TEAD1: variants seen among roughly 807,000 people sequenced by gnomAD.
The protein encoded by TEAD1 is TEA domain transcription factor 1.
A neutral mutation model predicts 54.9 loss-of-function variants in TEAD1; 9 were observed. The ratio of observed to expected loss-of-function variants is 0.16; its 90% CI spans 0.10 to 0.29. The LOEUF is 0.29. Ranked by LOEUF, TEAD1 falls within the 10% of genes least tolerant of loss-of-function variation. The pLI is 1.00. For missense variants in TEAD1, 387 were observed against 535.9 expected (o/e 0.72, Z 2.74); for synonymous variants, 200 against 187.8 (o/e 1.07, Z -0.53).
intron 5 of TEAD1, among the ~76,000 whole-genome samples, chr11:12,869,878 TTTC>T (rs1178444976): frequency 1.6e-5 from 2 of 127,804 alleles, no homozygotes; most frequent in African/African-American, 7.9e-5. Context: ...CCATTGTCTT[TTTC>T]TTTTTCTTTT....
chr11:12,888,741 A>G (rs377121466), intron 9 of TEAD1, among the ~76,000 whole-genome samples: 145 of 152,344 alleles, frequency 9.5e-4, no homozygotes, highest in African/African-American at 3.2e-3. Flanking sequence ...AACACTATGC[A>G]TTATCTTATG....
chr11:12,921,326 T>C (rs1340568582), intron 10 of TEAD1: 1 of 151,964 alleles, frequency 6.6e-6, no homozygotes, highest in Non-Finnish European at 1.5e-5. Flanking sequence ...CACCTGAGGA[T>C]GGGAGTTCGA....
chr11:12,850,738 T>G (rs921946880), intron 3 of TEAD1, among the ~76,000 whole-genome samples: 2 of 152,356 alleles, frequency 1.3e-5, no homozygotes, highest in Admixed American at 1.3e-4. Flanking sequence ...ATGTGTGGAT[T>G]TCACACTTCT....
chr11:12,708,348 C>T (rs1261221567), intron 2 of TEAD1, among the ~76,000 whole-genome samples: 1 of 151,920 alleles, frequency 6.6e-6, no homozygotes, highest in Non-Finnish European at 1.5e-5. Context: ...AAGAATGTAA[C>T]AATGCCTGTC....
chr11:12,865,296 T>G (rs145256947), intron 5 of TEAD1: 449 of 178,242 alleles, frequency 2.5e-3, no homozygotes, highest in African/African-American at 0.01. Flanking sequence ...GAGTAGAAAT[T>G]ATTTAGAAAG....
intron 12 of TEAD1, among the ~76,000 whole-genome samples, chr11:12,931,627 C>CT (rs1219785425): frequency 5.9e-5 from 9 of 152,226 alleles, no homozygotes; most frequent in East Asian, 5.8e-4. Flanking sequence ...TCCCAAAACT[C>CT]TAATTTATAC....
intron 2 of TEAD1, among the ~76,000 whole-genome samples, chr11:12,695,164 C>G (rs994969348): frequency 3.3e-5 from 5 of 152,168 alleles, no homozygotes; most frequent in African/African-American, 1.2e-4. Flanking sequence ...ATTTTCTGTT[C>G]AACTTCAGGC....
At chr11:12,843,609 G>A (rs909825568) in intron 3 of TEAD1, among the ~76,000 whole-genome samples, 5 of 152,206 alleles carry the variant, frequency 3.3e-5, no homozygotes, top group Non-Finnish European at 7.4e-5. Context: ...CTAATGGATT[G>A]TTATTCACAA....
intron 3 of TEAD1, among the ~76,000 whole-genome samples, chr11:12,769,597 C>T (rs1040608079): frequency 3.3e-5 from 5 of 152,032 alleles, no homozygotes; most frequent in Non-Finnish European, 5.9e-5. Context: ...AGTGGAGGCC[C>T]CAGAGCCCTG....
chr11:12,806,112 T>C (rs1480566275), intron 3 of TEAD1, among the ~76,000 whole-genome samples: 2 of 152,172 alleles, frequency 1.3e-5, no homozygotes, highest in Non-Finnish European at 2.9e-5. Context: ...TAAAGGAAAA[T>C]TCGAGTTAAT....
At position 12,854,956 on chromosome 11, in the gene TEAD1, A is replaced by T. The variant is rs181185278; in HGVS notation, c.203-7294A>T. ...TGTTTCTTGTGTTCCATCCACACAC[A>T]GTCCATGTGTGACCAGTGGATGACT... On this transcript the variant is annotated intron_variant, in intron 3 of 12. Coordinates refer to ENST00000527636, the MANE Select transcript of TEAD1 (RefSeq NM_021961.6). Among the ~76,000 whole-genome samples the T allele has an allele frequency of 3.9e-5, 6 of 152,272 alleles. 1 individual carries two copies. In the South Asian group the frequency reaches 1.2e-3, roughly 32 times the overall value.
chr11:12,785,808 A>G (rs1446381291), intron 3 of TEAD1, among the ~76,000 whole-genome samples: 1 of 152,224 alleles, frequency 6.6e-6, no homozygotes, highest in Non-Finnish European at 1.5e-5. Context: ...CATATCTCTG[A>G]CAATCCATGA....
chr11:12,695,253 T>G (rs1943555758), intron 2 of TEAD1, among the ~76,000 whole-genome samples: 1 of 152,252 alleles, frequency 6.6e-6, no homozygotes, highest in African/African-American at 2.4e-5. Context: ...AGTCATAATT[T>G]CTGGCTGTGG....
At chr11:12,914,105 A>C (rs979079487) in intron 10 of TEAD1, among the ~76,000 whole-genome samples, 1 of 152,188 alleles carries the variant, frequency 6.6e-6, no homozygotes, top group African/African-American at 2.4e-5. Flanking sequence ...GGTCACCTGA[A>C]GTTGTGTGGG....
chr11:12,716,664 A>C (rs1944069242), intron 2 of TEAD1, among the ~76,000 whole-genome samples: 1 of 152,212 alleles, frequency 6.6e-6, no homozygotes, highest in East Asian at 1.9e-4. Context: ...AGACAACATG[A>C]AAACCAGTGG....
chr11:12,854,233 C>T (rs1947328742), intron 3 of TEAD1, among the ~76,000 whole-genome samples: 1 of 152,162 alleles, frequency 6.6e-6, no homozygotes, highest in African/African-American at 2.4e-5. Flanking sequence ...TACACCTAAT[C>T]TTAGCCTGTG....
intron 3 of TEAD1, among the ~76,000 whole-genome samples, chr11:12,798,769 A>G (rs1945989466): frequency 6.6e-6 from 1 of 152,232 alleles, no homozygotes; most frequent in African/African-American, 2.4e-5. Context: ...AAAACTCTGA[A>G]TGCTGCGTTT....
intron 3 of TEAD1, among the ~76,000 whole-genome samples, chr11:12,814,642 G>T (rs368896041): frequency 1.3e-5 from 2 of 152,160 alleles, no homozygotes; most frequent in African/African-American, 4.8e-5. Context: ...GAGTCTTTGC[G>T]CATGTCATCT....
intron 3 of TEAD1, among the ~76,000 whole-genome samples, chr11:12,771,125 A>G (rs1395951770): frequency 6.6e-6 from 1 of 152,200 alleles, no homozygotes; most frequent in Non-Finnish European, 1.5e-5. Context: ...GGCTGAAGGA[A>G]CATGTGATAA....
Sources: gnomAD v4.1 joint callset for allele counts (sites outside exome capture counted in the v4.1 genomes callset) on GRCh38, gnomAD v4.1.1 for gene constraint, MANE v1.5 for transcripts, NCBI Gene and HGNC (gene_info 2026-07-23, HGNC 2026-07-21) for gene names.